Variants in ANXA1 observed in about 807,000 individuals in gnomAD.
ANXA1 encodes the protein annexin I (lipocortin I).
A neutral mutation model predicts 47.9 loss-of-function variants in ANXA1; 39 were observed. That is an observed-to-expected ratio of 0.81 (90% CI 0.63 to 1.06). The LOEUF is 1.06. Among genes scored for constraint, ANXA1 ranks in the 50% least tolerant of loss-of-function variants. The pLI is 0.00. For missense variants in ANXA1, 446 were observed against 422.7 expected, an observed-to-expected ratio of 1.06 and a Z score of -0.48; for synonymous variants, 146 against 142.5, an observed-to-expected ratio of 1.02 and a Z score of -0.17.
chr9:73,162,018 C>G (rs1386061715), intron 6 of ANXA1, among the ~76,000 whole-genome samples: 1 of 152,090 alleles, frequency 6.6e-6, no homozygotes, highest in Non-Finnish European at 1.5e-5. Context: ...CTACTCATGG[C>G]AGAAAGCAGA....
rs746634649 is a variant in ANXA1 at position 73,169,160 on chromosome 9, T to A, written c.984+6T>A. 7 of 1,604,460 alleles carry A rather than the reference T, an allele frequency of 4.4e-6. No homozygotes were observed. In the South Asian group the frequency reaches 7.8e-5, roughly 18 times the overall value. ...CCCTTTGCCAAGCCATCCTGGTATG[T>A]TTTGATTCCTCTAATGCCATCCCAA... On this transcript the variant is annotated splice_donor_region_variant and intron_variant, in intron 12 of 12. Coordinates refer to ENST00000257497, the MANE Select transcript of ANXA1 (RefSeq NM_000700.3).
At chr9:73,159,620 C>T in intron 4 of ANXA1, 197 bp downstream of exon 4, 1 of 458,464 alleles carries the variant, frequency 2.2e-6, no homozygotes, top group South Asian at 2.7e-5. Context: ...ATACATTAGT[C>T]ATCTTGGTGT....
At chr9:73,164,015 A>G (rs1302682706) in intron 8 of ANXA1, among the ~76,000 whole-genome samples, 1 of 152,156 alleles carries the variant, frequency 6.6e-6, no homozygotes, top group African/African-American at 2.4e-5. Flanking sequence ...GCTTTCTAAC[A>G]TATTGTTTTA....
chr9:73,165,848 G>A (rs530361182), intron 9 of ANXA1, among the ~76,000 whole-genome samples: 41 of 152,158 alleles, frequency 2.7e-4, no homozygotes, highest in African/African-American at 9.6e-4. Flanking sequence ...ATCACATGCC[G>A]TTTCTAATAA....
chr9:73,163,636 C>A, intron 8 of ANXA1, 104 bp downstream of exon 8: 2 of 1,135,528 alleles, frequency 1.8e-6, no homozygotes, highest in Non-Finnish European at 2.6e-6. Flanking sequence ...TCTGAGAGAC[C>A]AATGGCTTCT....
At chr9:73,161,601 A>G (rs530940552) in intron 6 of ANXA1, among the ~76,000 whole-genome samples, 1 of 152,188 alleles carries the variant, frequency 6.6e-6, no homozygotes, top group East Asian at 1.9e-4. Context: ...CATATAGAAG[A>G]TCTTTCTGCT....
chr9:73,162,397 A>G lies in ANXA1; in HGVS notation c.476-385A>G, dbSNP rs140587010. Among the ~76,000 whole-genome samples the G allele has an allele frequency of 2.0e-5, 3 of 152,348 alleles. No homozygotes were observed. The East Asian group carries it at 5.8e-4, about 29-fold the overall frequency. ...TTTTTAAACTAAATAAATAATTTGC[A>G]TTCAAGCAAGTACCTCATTTTGTTC... On this transcript the variant is annotated intron_variant, in intron 6 of 12. Transcript: ENST00000257497.
intron 12 of ANXA1, 130 bp from the exon 13 acceptor site, chr9:73,169,921 T>C (rs899066554): frequency 5.6e-6 from 3 of 531,476 alleles, no homozygotes; most frequent in Non-Finnish European, 6.4e-6. Flanking sequence ...GTATATATTG[T>C]TTAATTAAGT....
At chr9:73,163,576 C>A in intron 8 of ANXA1, 44 bp downstream of exon 8, 1 of 1,597,412 alleles carries the variant, frequency 6.3e-7, no homozygotes, top group Non-Finnish European at 8.6e-7. Flanking sequence ...CATCTTCCTA[C>A]CTTAAGTGGG....
chr9:73,158,309 A>G (rs950888890), intron 1 of ANXA1: 1 of 479,042 alleles, frequency 2.1e-6, no homozygotes, highest in Non-Finnish European at 3.8e-6. Context: ...GTTCAATTTC[A>G]GAGAGGAGGG....
chr9:73,158,484 A>C (rs1366030406), intron 1 of ANXA1, 38 bp from the exon 2 acceptor site: 1 of 1,515,360 alleles, frequency 6.6e-7, no homozygotes, highest in African/African-American at 1.4e-5. Flanking sequence ...TGTGTGGTGC[A>C]TTTGTTTTGT....
intron 9 of ANXA1, 86 bp from the exon 10 acceptor site, chr9:73,166,011 T>A: frequency 1.1e-6 from 1 of 949,616 alleles, no homozygotes; most frequent in Non-Finnish European, 1.6e-6. Context: ...TCTAAAAAAT[T>A]CTTTGAGTCA....
At position 73,160,389 on chromosome 9, in the gene ANXA1, A is replaced by G. The variant is rs1486277553; in HGVS notation, c.384+13A>G. On this transcript the variant is annotated intron_variant, in intron 5 of 12. Coordinates refer to ENST00000257497, the MANE Select transcript of ANXA1 (RefSeq NM_000700.3). ...TGCTGCCATGAAGGTAAATCGCCCA[A>G]TTTGAGCAAACTCCTTTCCTCAAGA... 6 of 1,543,850 alleles carry G rather than the reference A, an allele frequency of 3.9e-6. No homozygotes were observed. Among genetic ancestry groups the G allele is most frequent in the African/African-American group, 2.8e-5 (2 of 70,746 alleles).
At chr9:73,169,864 G>A (rs1480922171) in intron 12 of ANXA1, among the ~76,000 whole-genome samples, 187 bp from the exon 13 acceptor site, 1 of 152,018 alleles carries the variant, frequency 6.6e-6, no homozygotes, top group Non-Finnish European at 1.5e-5. Context: ...TCTCAGTCTT[G>A]AAGGCTATTG....
Position 73,166,754 on chromosome 9 carries a change from T to C in ANXA1, c.802+562T>C, listed in dbSNP as rs1369157711. On this transcript the variant is annotated intron_variant, in intron 10 of 12. Transcript: ENST00000257497. ...GAATCCCCTGGAAAGCTTGTTAAAATGCAGATTCTGATTCCCCAGGTCTGG... is the reference window on the plus strand; with the variant it reads ...GAATCCCCTGGAAAGCTTGTTAAAACGCAGATTCTGATTCCCCAGGTCTGG... Among the ~76,000 whole-genome samples, 6 of 152,284 alleles carry C rather than the reference T, an allele frequency of 3.9e-5. No homozygotes were observed. In the East Asian group the frequency reaches 1.2e-3, roughly 29 times the overall value.
chr9:73,163,971 T>G (rs1391265093), intron 8 of ANXA1, among the ~76,000 whole-genome samples: 1 of 152,200 alleles, frequency 6.6e-6, no homozygotes, highest in East Asian at 1.9e-4. Context: ...TGCAATGATA[T>G]AACAAGAGTA....
intron 1 of ANXA1, among the ~76,000 whole-genome samples, chr9:73,156,521 G>T (rs1021262936): frequency 6.6e-6 from 1 of 152,188 alleles, no homozygotes; most frequent in African/African-American, 2.4e-5. Flanking sequence ...AATGGAAAAA[G>T]TATTGGTTCT....
chr9:73,152,241 T>A (rs79551665), intron 1 of ANXA1, among the ~76,000 whole-genome samples: 1 of 152,122 alleles, frequency 6.6e-6, no homozygotes, highest in African/African-American at 2.4e-5. Context: ...CTTAAAAGAA[T>A]GTGTTTTTCC....
chr9:73,164,381 T>C (rs529025787), intron 8 of ANXA1, among the ~76,000 whole-genome samples: 1 of 152,270 alleles, frequency 6.6e-6, no homozygotes, highest in East Asian at 1.9e-4. Flanking sequence ...TAGAAATTGT[T>C]CAAGCATATT....
Sources: gnomAD v4.1 joint callset for allele counts (sites outside exome capture counted in the v4.1 genomes callset) on GRCh38, gnomAD v4.1.1 for gene constraint, MANE v1.5 for transcripts, NCBI Gene and HGNC (gene_info 2026-07-23, HGNC 2026-07-21) for gene names.